Variants in MMP16 observed in about 807,000 individuals in gnomAD.
The protein encoded by MMP16 is matrix metallopeptidase 16, also known as matrix metalloproteinase-16.
Under a neutral mutation model 67.8 loss-of-function variants are expected in MMP16, and 12 were observed. That is an observed-to-expected ratio of 0.18 (90% CI 0.11 to 0.29). The LOEUF is 0.29. Among genes scored for constraint, MMP16 ranks in the 10% least tolerant of loss-of-function variants. The pLI, the probability that MMP16 is intolerant of heterozygous loss-of-function variation, is 1.00. For synonymous variants in MMP16, 249 were observed against 255.9 expected, an observed-to-expected ratio of 0.97 and a Z score of 0.26; for missense variants, 475 against 765.7, an observed-to-expected ratio of 0.62 and a Z score of 4.48.
At chr8:88,077,109 T>A (rs1017837581) in intron 6 of MMP16, among the ~76,000 whole-genome samples, 1 of 152,318 alleles carries the variant, frequency 6.6e-6, no homozygotes, top group African/African-American at 2.4e-5. Flanking sequence ...CAGAAGGTCA[T>A]GTGAAACTGC....
At chr8:88,213,229 C>T (rs1809538546) in intron 1 of MMP16, among the ~76,000 whole-genome samples, 1 of 152,108 alleles carries the variant, frequency 6.6e-6, no homozygotes. Context: ...CACACTGACT[C>T]TTACATGTTA....
rs1008739023 is a variant in MMP16, at chr8:88,033,890, G to A, written c.*7571C>T. On this transcript the variant is annotated 3_prime_UTR_variant, in exon 10 of 10. Coordinates refer to ENST00000286614, the MANE Select transcript of MMP16 (RefSeq NM_005941.5). Reference sequence around the variant, plus strand: ...AATAGACCAAAGGATGAAGGTTTTAGGCATTTATGTACCCATGATGTACCT... The same window carrying A: ...AATAGACCAAAGGATGAAGGTTTTAAGCATTTATGTACCCATGATGTACCT... The A allele has an allele frequency of 6.6e-6, 1 of 151,914 alleles. No individual in the cohort carries two copies. Among genetic ancestry groups the A allele is most frequent in the Non-Finnish European group, 1.5e-5 (1 of 67,952 alleles). The allele number at this position is 151,914 out of a possible 1,614,324, so 9.4% of individuals were successfully genotyped here.
chr8:88,304,247 A>G lies in MMP16; in HGVS notation c.132+22828T>C, dbSNP rs114719323. ...TAAGATAGGCAGACAAGAAGAGAGA[A>G]AAAAGAATGAAAAGGAGTAAACAAA... On this transcript the variant is annotated intron_variant, in intron 1 of 9. Transcript: ENST00000286614. Among the ~76,000 whole-genome samples the G allele has an allele frequency of 6.2e-3, 950 of 152,314 alleles. 6 individuals carry two copies. The highest frequency in any genetic ancestry group is 0.022 in the African/African-American group (903 of 41,564).
At position 88,116,648 on chromosome 8, in the gene MMP16, C is replaced by T. The variant is rs750281570; in HGVS notation, c.942G>A (p.Pro314=). The T allele has an allele frequency of 1.2e-5, 19 of 1,613,606 alleles. No individual in the cohort carries two copies. The highest frequency in any genetic ancestry group is 6.6e-5 in the South Asian group (6 of 91,068). The part of the protein sequence containing the change: ...PTVPPHRSIP[P]ADPRKNDRPK... ...GCCTGTCATTTTTCCTTGGGTCAGCCGGAGGAATAGAGCGGTGTGGGGGCA... is the reference window on the plus strand; with the variant it reads ...GCCTGTCATTTTTCCTTGGGTCAGCTGGAGGAATAGAGCGGTGTGGGGGCA... Residue 314 remains proline (P), a synonymous_variant, in exon 6 of 10, where the codon CCG becomes CCA. Coordinates refer to ENST00000286614, the MANE Select transcript of MMP16 (RefSeq NM_005941.5).
chr8:88,320,362 A>G (rs1031863639), intron 1 of MMP16, among the ~76,000 whole-genome samples: 1 of 152,130 alleles, frequency 6.6e-6, no homozygotes, highest in Non-Finnish European at 1.5e-5. Context: ...TAATCTATAA[A>G]ACCACAATTA....
At chr8:88,279,521 T>C (rs999315626) in intron 1 of MMP16, among the ~76,000 whole-genome samples, 8 of 152,056 alleles carry the variant, frequency 5.3e-5, no homozygotes, top group Admixed American at 1.3e-4. Flanking sequence ...TTCATAAAAG[T>C]TTTGAGGGGC....
At chr8:88,116,011 C>T (rs1419715794) in intron 6 of MMP16, among the ~76,000 whole-genome samples, 1 of 151,996 alleles carries the variant, frequency 6.6e-6, no homozygotes, top group African/African-American at 2.4e-5. Flanking sequence ...AAAATGATAG[C>T]TTCATAGAGG....
chr8:88,081,792 C>G (rs1808755556), intron 6 of MMP16, among the ~76,000 whole-genome samples: 1 of 151,686 alleles, frequency 6.6e-6, no homozygotes, highest in African/African-American at 2.4e-5. Context: ...AAATGTATTA[C>G]TAGATTCTGT....
chr8:88,239,294 C>CAAA (rs34599512), intron 1 of MMP16, among the ~76,000 whole-genome samples: 8,525 of 79,880 alleles, frequency 0.11, 1,104 homozygotes, highest in African/African-American at 0.17. Flanking sequence ...GACGCAGTCT[C>CAAA]AAAAAAAAAA....
At chr8:88,044,814 T>C (rs373295664) in intron 9 of MMP16, among the ~76,000 whole-genome samples, 13 of 152,362 alleles carry the variant, frequency 8.5e-5, no homozygotes, top group African/African-American at 3.1e-4. Context: ...TAGTAAGAAG[T>C]TGCTATTTAA....
chr8:88,303,779 A>G (rs917784320), intron 1 of MMP16, among the ~76,000 whole-genome samples: 6 of 152,092 alleles, frequency 3.9e-5, no homozygotes, highest in Non-Finnish European at 8.8e-5. Context: ...TCAACAAAAA[A>G]CCCTCACAGA....
intron 1 of MMP16, among the ~76,000 whole-genome samples, chr8:88,275,278 G>A (rs941596807): frequency 6.6e-6 from 1 of 151,852 alleles, no homozygotes; most frequent in East Asian, 1.9e-4. Context: ...TATACAAAAT[G>A]AAACTAAGAA....
chr8:88,267,305 A>T (rs1810490877), intron 1 of MMP16, among the ~76,000 whole-genome samples: 1 of 152,222 alleles, frequency 6.6e-6, no homozygotes, highest in South Asian at 2.1e-4. Context: ...CCCAAGACAC[A>T]TCACAGCTAG....
At chr8:88,105,433 G>A (rs140182421) in intron 6 of MMP16, among the ~76,000 whole-genome samples, 2 of 151,380 alleles carry the variant, frequency 1.3e-5, no homozygotes, top group African/African-American at 4.8e-5. Flanking sequence ...CTTTAAAATT[G>A]GACTCATTTG....
intron 6 of MMP16, among the ~76,000 whole-genome samples, chr8:88,084,074 A>G (rs1439094605): frequency 6.6e-6 from 1 of 152,054 alleles, no homozygotes; most frequent in Non-Finnish European, 1.5e-5. Context: ...TACCAATGTT[A>G]TTAAAATCTC....
At chr8:88,281,719 G>GC (rs968374970) in intron 1 of MMP16, among the ~76,000 whole-genome samples, 13 of 152,134 alleles carry the variant, frequency 8.5e-5, no homozygotes, top group African/African-American at 2.9e-4. Context: ...GCACAAGGCT[G>GC]CCCCCTGTCA....
At position 88,327,247 on chromosome 8, in the gene MMP16, T is replaced by G; in HGVS notation, c.-41A>C. 1.9e-6 allele frequency: 3 copies of G among 1,610,624 alleles called. No homozygotes were observed. The highest frequency in any genetic ancestry group is 2.5e-6 in the Non-Finnish European group (3 of 1,177,996). On this transcript the variant is annotated 5_prime_UTR_variant, in exon 1 of 10. Transcript: ENST00000286614. ...AATGGATGGACGAGCTCCCCTTCGT[T>G]TTCTCCCTCTCTCCCTCTCCCTCCC...
chr8:88,170,978 T>C (rs1296110250), intron 3 of MMP16, among the ~76,000 whole-genome samples: 1 of 152,188 alleles, frequency 6.6e-6, no homozygotes, highest in Admixed American at 6.5e-5. Flanking sequence ...TCTGAGAGAA[T>C]TGTTCATGGG....
Position 88,034,262 on chromosome 8 carries a change from T to C in MMP16, c.*7199A>G, listed in dbSNP as rs1359054238. ...GTAAAAAAAAAAAAAAAAGGCAAGA[T>C]AGGAATAGAAAGAAATGCAAATATA... On this transcript the variant is annotated 3_prime_UTR_variant, in exon 10 of 10. Coordinates refer to ENST00000286614, the MANE Select transcript of MMP16 (RefSeq NM_005941.5). The C allele has an allele frequency of 1.5e-5, 2 of 137,868 alleles. No individual in the cohort carries two copies. Among genetic ancestry groups the C allele is most frequent in the Non-Finnish European group, 3.1e-5 (2 of 63,612 alleles). 8.5% of individuals were successfully genotyped at this position (137,868 alleles called of 1,614,324 possible). A position where few individuals can be genotyped will look rare whatever the true frequency, so the allele number is the denominator to read the frequency against.
Sources: gnomAD v4.1 joint callset for allele counts (sites outside exome capture counted in the v4.1 genomes callset) on GRCh38, gnomAD v4.1.1 for gene constraint, MANE v1.5 for transcripts, NCBI Gene and HGNC (gene_info 2026-07-23, HGNC 2026-07-21) for gene names.